EPHA2: variants seen among roughly 807,000 people sequenced by gnomAD.
EPHA2 encodes EPH receptor A2, also known as ephrin type-A receptor 2.
EPHA2 carries 54 observed loss-of-function variants against 104.9 expected under a neutral mutation model. The observed-to-expected ratio is 0.51, with a 90% confidence interval of 0.41 to 0.65. The LOEUF (loss-of-function observed/expected upper bound fraction) is 0.65, where lower values mean the gene tolerates loss of function less well. Among genes scored for constraint, EPHA2 ranks in the 30% least tolerant of loss-of-function variants. The pLI, the probability that EPHA2 is intolerant of heterozygous loss-of-function variation, is 0.00. For missense variants in EPHA2, 1,117 were observed against 1,369.5 expected, an observed-to-expected ratio of 0.82 and a Z score of 2.91; for synonymous variants, 560 against 559.1, an observed-to-expected ratio of 1.00 and a Z score of -0.02.
At chr1:16,133,839 G>A (rs1220661364) in intron 9 of EPHA2, 21 bp downstream of exon 9, 1 of 1,539,916 alleles carries the variant, frequency 6.5e-7, no homozygotes, top group Non-Finnish European at 8.8e-7. Context: ...GGCTGGGCCT[G>A]GAGCGGGGGC....
At chr1:16,140,966 CA>C (rs1222867521) in intron 3 of EPHA2, among the ~76,000 whole-genome samples, 1 of 152,216 alleles carries the variant, frequency 6.6e-6, no homozygotes, top group East Asian at 1.9e-4. Flanking sequence ...CTCCTGGCCT[CA>C]AGTGATCCTC....
At position 16,135,132 on chromosome 1, in the gene EPHA2, C is replaced by T. The variant is rs115171763; in HGVS notation, c.1486G>A (p.Asp496Asn). 830 of 1,614,050 alleles carry T rather than the reference C, an allele frequency of 5.1e-4. 8 individuals are homozygous for T. In the African/African-American group the frequency reaches 9.7e-3, roughly 19 times the overall value. Residue 496 changes from aspartate (D) to asparagine (N), a missense_variant, in exon 7 of 17, where the codon GAC becomes AAC. This residue lies in a region of EPHA2 where 664 missense variants were observed against 784.8 expected (regional missense o/e 0.85). Coordinates refer to ENST00000358432, the MANE Select transcript of EPHA2 (RefSeq NM_004431.5). This position sits in a 1 kb window ranked among gnomAD's most constrained non-coding sequence, Gnocchi z 4.3. ...RTEGFSVTLD[D>N]LAPDTTYLVQ... The stretch of plus-strand genomic sequence containing the variant: ...AGGTAGGTGGTGTCTGGGGCCAGGT[C>T]GTCCAGGGTCACGGAGAAACCCTCG...
At position 16,155,896 on chromosome 1, in the gene EPHA2, G is replaced by T. The variant is rs1409524840; in HGVS notation, c.37C>A (p.Leu13Met). The change falls in exon 1 of 17, where the codon CTG becomes ATG. Residue 13 changes from leucine to methionine, a missense_variant. Coordinates refer to ENST00000358432, the MANE Select transcript of EPHA2 (RefSeq NM_004431.5). ...GCCGCGGCCAGCGCACAGCCCCACA[G>T]CAGGGCGAAGCAGGCGCGGGCTGCC... ...LQAARACFAL[L>M]WGCALAAAAA... 1 of 1,487,844 alleles carries T rather than the reference G, an allele frequency of 6.7e-7. No individual in the cohort carries two copies. Among genetic ancestry groups the T allele is most frequent in the South Asian group, 1.3e-5 (1 of 78,794 alleles). 92.2% of individuals were successfully genotyped at this position (1,487,844 alleles called of 1,614,324 possible). A position where few individuals can be genotyped will look rare whatever the true frequency, so the allele number is the denominator to read the frequency against.
chr1:16,151,092 G>T, intron 1 of EPHA2, 129 bp from the exon 2 acceptor site: 1 of 822,338 alleles, frequency 1.2e-6, no homozygotes, highest in Admixed American at 2.1e-5. Flanking sequence ...ACCACACAGG[G>T]TCACCATATC....
At chr1:16,133,456 C>T (rs991986539) in intron 10 of EPHA2, 25 bp downstream of exon 10, 2 of 1,614,080 alleles carry the variant, frequency 1.2e-6, no homozygotes, top group Non-Finnish European at 1.7e-6. Flanking sequence ...CTCCTCAGGG[C>T]CCCTTGGCAG....
rs1450416987 is a variant in EPHA2 at position 16,124,754 on chromosome 1, G to A, written c.*461C>T. On this transcript the variant is annotated 3_prime_UTR_variant, in exon 17 of 17. Transcript: ENST00000358432. ...GTCTAAAGAAGGCACTAGAGGGACA[G>A]GGACCGCTTTGGGTCTCACCCAGTC... The A allele has an allele frequency of 5.6e-6, 1 of 179,172 alleles. No homozygotes were observed. Among genetic ancestry groups the A allele is most frequent in the African/African-American group, 2.3e-5 (1 of 43,050 alleles). The allele number at this position is 179,172 out of a possible 1,614,324, so 11.1% of individuals were successfully genotyped here.
chr1:16,130,748 G>A lies in EPHA2; in HGVS notation c.2476-329C>T, dbSNP rs911500125. 2.6e-5 allele frequency among the ~76,000 whole-genome samples: 4 copies of A among 151,838 alleles called. No individual in the cohort carries two copies. The highest frequency in any genetic ancestry group is 7.3e-5 in the African/African-American group (3 of 41,304). ...GTGCTCAGGTGATCCTCCCACCTCCGCCTCCTGAGTAGCTGAGACTACAGG... is the reference window on the plus strand; with the variant it reads ...GTGCTCAGGTGATCCTCCCACCTCCACCTCCTGAGTAGCTGAGACTACAGG... On this transcript the variant is annotated intron_variant, in intron 14 of 16. Coordinates refer to ENST00000358432, the MANE Select transcript of EPHA2 (RefSeq NM_004431.5). This position sits in a 1 kb window ranked among gnomAD's most constrained non-coding sequence, Gnocchi z 4.5.
At position 16,142,799 on chromosome 1, in the gene EPHA2, GTGGATGGA is replaced by G. The variant is rs527708297; in HGVS notation, c.824-4377_824-4370del. Among the ~76,000 whole-genome samples the G allele has an allele frequency of 2.1e-3, 312 of 149,000 alleles. 2 individuals are homozygous for G. Among genetic ancestry groups the G allele is most frequent in the African/African-American group, 7.6e-3 (304 of 40,228 alleles). ...GGTTGGTGGGTGGACAGGTGGATGA[GTGGATGGA>G]TGGATGCGGGATGGATAGGTGGATG... On this transcript the variant is annotated intron_variant, in intron 3 of 16. Coordinates refer to ENST00000358432, the MANE Select transcript of EPHA2 (RefSeq NM_004431.5).
At chr1:16,146,258 T>C (rs948201391) in intron 3 of EPHA2, among the ~76,000 whole-genome samples, 1 of 152,150 alleles carries the variant, frequency 6.6e-6, no homozygotes, top group African/African-American at 2.4e-5. Context: ...TGGAAACTTG[T>C]CCTCCTGCTG....
chr1:16,138,363 C>T lies in EPHA2; in HGVS notation c.891G>A (p.Thr297=), dbSNP rs562063397. ...AGGTGGCACCCTCAGGGGATGGCAG[C>T]GTGTGCTCAGGGCACTCCAAGCAGG... The part of the protein sequence containing the change: ...ESPCLECPEH[T]LPSPEGATSC... The change falls in exon 4 of 17, where the codon ACG becomes ACA. Residue 297 remains threonine, a synonymous_variant. Transcript: ENST00000358432. 2.5e-6 allele frequency: 4 copies of T among 1,613,892 alleles called. No homozygotes were observed. The highest frequency in any genetic ancestry group is 3.4e-6 in the Non-Finnish European group (4 of 1,179,994).
intron 3 of EPHA2, among the ~76,000 whole-genome samples, chr1:16,144,400 G>C (rs2024888551): frequency 6.6e-6 from 1 of 152,264 alleles, no homozygotes; most frequent in East Asian, 1.9e-4. Context: ...CCACCTGGGG[G>C]ACCAACTGTG....
intron 16 of EPHA2, among the ~76,000 whole-genome samples, chr1:16,126,795 C>T (rs539893213): frequency 5.9e-5 from 9 of 152,246 alleles, no homozygotes; most frequent in Admixed American, 6.5e-5. Flanking sequence ...ACCTGACATC[C>T]GGTTTAAAAA....
chr1:16,133,465 A>G lies in EPHA2; in HGVS notation c.1864+16T>C, dbSNP rs1570401410. ...CGCTGCCTCCTCAGGGCCCCTTGGC[A>G]GGGGGCCAACCTCACCTGCTCCGAT... On this transcript the variant is annotated intron_variant, in intron 10 of 16. Transcript: ENST00000358432. The G allele has an allele frequency of 6.2e-7, 1 of 1,614,020 alleles. No homozygotes were observed.
chr1:16,138,568 G>A (rs1569578089), intron 3 of EPHA2, 138 bp from the exon 4 acceptor site: 5 of 1,302,450 alleles, frequency 3.8e-6, no homozygotes, highest in East Asian at 2.4e-5. Context: ...TTTTCTCATC[G>A]GCAAAATGTC....
At chr1:16,132,517 T>C in intron 11 of EPHA2, 78 bp from the exon 12 acceptor site, 1 of 1,486,278 alleles carries the variant, frequency 6.7e-7, no homozygotes, top group East Asian at 2.3e-5. Context: ...TGGGGGAAGG[T>C]GGGCACAGGT....
chr1:16,133,436 C>A (rs751424750), intron 10 of EPHA2, 45 bp downstream of exon 10: 7 of 1,613,908 alleles, frequency 4.3e-6, no homozygotes, highest in Admixed American at 3.3e-5. Context: ...CACTGTGTCA[C>A]CACCGCTGCC....
intron 3 of EPHA2, among the ~76,000 whole-genome samples, chr1:16,138,745 G>T (rs573209137): frequency 5.1e-4 from 77 of 152,312 alleles, no homozygotes; most frequent in African/African-American, 1.7e-3. Context: ...AGCCAACCAA[G>T]AATCCCATCA....
intron 3 of EPHA2, among the ~76,000 whole-genome samples, chr1:16,146,111 C>A (rs7525723): frequency 1.3e-5 from 2 of 152,134 alleles, no homozygotes; most frequent in African/African-American, 4.8e-5. Flanking sequence ...GCCAGCCGGG[C>A]GTTCCTGGCA....
chr1:16,145,454 C>T (rs551257655), intron 3 of EPHA2, among the ~76,000 whole-genome samples: 12 of 152,194 alleles, frequency 7.9e-5, no homozygotes, highest in African/African-American at 1.9e-4. Flanking sequence ...TGAGGAGAAA[C>T]GGACAAACTG....
Sources: gnomAD v4.1 joint callset for allele counts (sites outside exome capture counted in the v4.1 genomes callset) on GRCh38, gnomAD v4.1.1 for gene constraint, gnomAD v4.1.1 regional missense constraint, Gnocchi (gnomAD v3.1) non-coding constraint, MANE v1.5 for transcripts, NCBI Gene and HGNC (gene_info 2026-07-23, HGNC 2026-07-21) for gene names.